UFD1: variants seen among roughly 807,000 people sequenced by gnomAD.
The protein encoded by UFD1 is ubiquitin recognition factor in ER-associated degradation protein 1.
Under a neutral mutation model 45.9 loss-of-function variants are expected in UFD1, and 13 were observed. The observed-to-expected ratio is 0.28, with a 90% CI of 0.18 to 0.45. The LOEUF is 0.45. Among genes scored for constraint, UFD1 ranks in the 20% least tolerant of loss-of-function variants. The probability of loss-of-function intolerance (pLI) is 1.00; values close to 1 mark genes in which losing one functional copy is unlikely to be tolerated. For missense variants in UFD1, 218 were observed against 389.2 expected, an observed-to-expected ratio of 0.56 and a Z score of 3.70; for synonymous variants, 128 against 139.2, an observed-to-expected ratio of 0.92 and a Z score of 0.56.
At chr22:19,465,324 T>A in intron 5 of UFD1, 50 bp from the exon 6 acceptor site, 1 of 1,518,692 alleles carries the variant, frequency 6.6e-7, no homozygotes, top group South Asian at 1.1e-5. Context: ...TACCTTAATC[T>A]GAAACAAGTT....
At chr22:19,458,258 A>G (rs974835009) in intron 6 of UFD1, 119 bp from the exon 7 acceptor site, 3 of 1,029,132 alleles carry the variant, frequency 2.9e-6, no homozygotes, top group African/African-American at 3.1e-5. Context: ...TGCCCATGAC[A>G]CAACCTACAG....
intron 6 of UFD1, among the ~76,000 whole-genome samples, chr22:19,459,441 C>A (rs569425507): frequency 6.6e-6 from 1 of 152,074 alleles, no homozygotes; most frequent in Non-Finnish European, 1.5e-5. Flanking sequence ...GGTGAAGACC[C>A]GTCTCTACTA....
At chr22:19,478,040 C>A (rs1244497285) in intron 1 of UFD1, among the ~76,000 whole-genome samples, 2 of 152,188 alleles carry the variant, frequency 1.3e-5, no homozygotes, top group Non-Finnish European at 2.9e-5. Context: ...GTGCTTCTCA[C>A]TAGCCAACCT....
Position 19,479,141 on chromosome 22 carries a change from C to A in UFD1, c.-56G>T, listed in dbSNP as rs909892223. On this transcript the variant is annotated 5_prime_UTR_variant, in exon 1 of 12. Transcript: ENST00000263202. The stretch of plus-strand genomic sequence containing the variant: ...CTCAGGCAATGCAACGAAGAAACCC[C>A]GCCGACCGCTCTCCCAGCCGCCGCT... 14 of 1,600,082 alleles carry A rather than the reference C, an allele frequency of 8.7e-6. No individual in the cohort carries two copies. In the East Asian group the frequency reaches 1.8e-4, roughly 21 times the overall value.
chr22:19,455,647 T>A (rs2089716964), intron 10 of UFD1, 33 bp downstream of exon 10: 1 of 1,604,210 alleles, frequency 6.2e-7, no homozygotes. Context: ...CAGATCCTCC[T>A]CCTGTCCTGG....
intron 11 of UFD1, chr22:19,454,054 C>T: frequency 1.0e-6 from 1 of 985,778 alleles, no homozygotes; most frequent in South Asian, 4.7e-5. Flanking sequence ...CCGCCACCAC[C>T]CTGCTCAGCT....
chr22:19,453,701 C>T (rs73160289), intron 11 of UFD1: 53,674 of 985,426 alleles, frequency 0.054, 1,564 homozygotes, highest in Middle Eastern at 0.1. Context: ...AACATTGAGC[C>T]CAGAAGTGGT....
chr22:19,474,171 C>A (rs1365270005), intron 3 of UFD1, among the ~76,000 whole-genome samples: 1 of 152,130 alleles, frequency 6.6e-6, no homozygotes, highest in Non-Finnish European at 1.5e-5. Flanking sequence ...AGGAGCCCAG[C>A]AAGAGGAGTG....
chr22:19,455,842 G>A, intron 9 of UFD1, 74 bp from the exon 10 acceptor site: 1 of 1,407,712 alleles, frequency 7.1e-7, no homozygotes, highest in Non-Finnish European at 1.0e-6. Flanking sequence ...GGAGATCACT[G>A]CAGGGATGTG....
chr22:19,454,141 TA>T, intron 11 of UFD1: 1 of 986,170 alleles, frequency 1.0e-6, no homozygotes, highest in Middle Eastern at 5.2e-4. Flanking sequence ...AGTTCTGTGA[TA>T]ACAGAGCCTG....
intron 3 of UFD1, among the ~76,000 whole-genome samples, chr22:19,474,456 G>C (rs1355887033): frequency 2.0e-5 from 3 of 152,128 alleles, no homozygotes; most frequent in Admixed American, 6.6e-5. Context: ...TGAGGCAGGA[G>C]GATCACTTGA....
At chr22:19,471,123 A>G (rs2089841690) in intron 4 of UFD1, 1 of 462,050 alleles carries the variant, frequency 2.2e-6, no homozygotes, top group African/African-American at 2.0e-5. Context: ...TGAGGGGTAC[A>G]GCCTTGAGGG....
Position 19,456,625 on chromosome 22 carries a change from C to T in UFD1, c.640G>A (p.Ala214Thr). ...TCTCCAGCATAGCCACTGTGGTCGG[C>T]TTCACCTTCCTGACAGGGAAAAAGA... ...VQHEESTEGE[A>T]DHSGYAGELG... Residue 214 changes from alanine (A) to threonine (T), a missense_variant, in exon 9 of 12, where the codon GCC becomes ACC. Transcript: ENST00000263202. 1 of 1,614,154 alleles carries T rather than the reference C, an allele frequency of 6.2e-7. No homozygotes were observed.
rs1037271640 is a variant in UFD1 at position 19,479,159 on chromosome 22, C to T, written c.-74G>A. ...GAAACCCCGCCGACCGCTCTCCCAG[C>T]CGCCGCTGCCGCTGCCGCCGCGCCA... is the stretch of plus-strand genomic sequence containing the variant. On this transcript the variant is annotated 5_prime_UTR_variant, in exon 1 of 12. Transcript: ENST00000263202. 2.5e-6 allele frequency: 4 copies of T among 1,574,966 alleles called. No individual in the cohort carries two copies. Among genetic ancestry groups the T allele is most frequent in the South Asian group, 1.2e-5 (1 of 86,828 alleles).
intron 1 of UFD1, among the ~76,000 whole-genome samples, chr22:19,478,543 G>T (rs1299553905): frequency 6.6e-6 from 1 of 152,212 alleles, no homozygotes; most frequent in Non-Finnish European, 1.5e-5. Context: ...GGTGTTAAAA[G>T]CTGTGTAACA....
intron 1 of UFD1, among the ~76,000 whole-genome samples, chr22:19,477,287 A>G (rs1433672110): frequency 6.6e-6 from 1 of 152,186 alleles, no homozygotes; most frequent in Non-Finnish European, 1.5e-5. Context: ...GGTGGAAGCA[A>G]CTCAAGTGTC....
At chr22:19,453,646 C>T (rs779650305) in intron 11 of UFD1, 111 of 985,458 alleles carry the variant, frequency 1.1e-4, no homozygotes, top group Non-Finnish European at 1.3e-4. Flanking sequence ...TATGTTTGCT[C>T]CTCTGAGCCT....
chr22:19,479,122 C>G lies in UFD1; in HGVS notation c.-37G>C, dbSNP rs747645431. ...CCTGGCAGACTCCGCTCCTCTCAGG[C>G]AATGCAACGAAGAAACCCCGCCGAC... On this transcript the variant is annotated 5_prime_UTR_variant, in exon 1 of 12. Coordinates refer to ENST00000263202, the MANE Select transcript of UFD1 (RefSeq NM_005659.7). 2 of 1,609,696 alleles carry G rather than the reference C, an allele frequency of 1.2e-6. No homozygotes were observed. Among genetic ancestry groups the G allele is most frequent in the South Asian group, 1.1e-5 (1 of 90,586 alleles).
chr22:19,479,001 C>T (rs1601909768), intron 1 of UFD1, 82 bp downstream of exon 1: 2 of 1,232,348 alleles, frequency 1.6e-6, no homozygotes, highest in East Asian at 2.7e-5. Context: ...CCGCCGCCGT[C>T]CCGCCCCGCC....
Sources: allele counts gnomAD v4.1 joint callset (sites outside exome capture counted in the v4.1 genomes callset), GRCh38; gene constraint gnomAD v4.1.1; transcripts MANE v1.5; gene names NCBI Gene and HGNC (gene_info 2026-07-23, HGNC 2026-07-21).